Variants in FSIP2 observed in about 807,000 individuals in gnomAD.
FSIP2 encodes fibrous sheath interacting protein 2, also known as fibrous sheath-interacting protein 2.
Under a neutral mutation model 510.5 loss-of-function variants are expected in FSIP2, and 367 were observed. That is an observed-to-expected ratio of 0.72 (90% CI 0.66 to 0.78). The LOEUF (loss-of-function observed/expected upper bound fraction) is 0.78, where lower values mean the gene tolerates loss of function less well. Among genes scored for constraint, FSIP2 ranks in the 30% least tolerant of loss-of-function variants. FSIP2 has a pLI of 0.00. For missense variants in FSIP2, 7,594 were observed against 7,901.7 expected (o/e 0.96, Z 1.48); for synonymous variants, 2,601 against 2,732.2 (o/e 0.95, Z 1.50).
chr2:185,816,571 C>T (rs1361553701), intron 19 of FSIP2, among the ~76,000 whole-genome samples: 1 of 151,838 alleles, frequency 6.6e-6, no homozygotes, highest in African/African-American at 2.4e-5. Context: ...CTCATGATGG[C>T]TCACGTCTGT....
chr2:185,783,944 A>G (rs1692909237), intron 14 of FSIP2: 1 of 152,174 alleles, frequency 6.6e-6, no homozygotes, highest in Non-Finnish European at 1.5e-5. Flanking sequence ...AAAGAACTCT[A>G]TACCTTACCT....
rs747855422 is a variant in FSIP2, at chr2:185,806,991, AATG to A, written c.17690_17692del (p.Met5897del). The A allele has an allele frequency of 5.2e-5, 84 of 1,605,802 alleles. No homozygotes were observed. The highest frequency in any genetic ancestry group is 6.8e-5 in the Non-Finnish European group (80 of 1,177,452). On this transcript the variant is annotated inframe_deletion, in exon 17 of 23. Transcript: ENST00000424728. ...CAGATAAAATGCCACCTATGCATAA[AATG>A]ATGAGAAAACCTTCTTCAGATAAGA... is the stretch of plus-strand genomic sequence containing the variant.
chr2:185,740,206 A>G (rs1335266097), intron 2 of FSIP2, among the ~76,000 whole-genome samples: 2 of 152,148 alleles, frequency 1.3e-5, no homozygotes, highest in Non-Finnish European at 2.9e-5. Flanking sequence ...AATCTGAGCT[A>G]TCAAGATTCT....
intron 1 of FSIP2, 103 bp downstream of exon 1, chr2:185,739,096 C>A (rs1479673778): frequency 1.5e-6 from 2 of 1,376,698 alleles, no homozygotes; most frequent in Admixed American, 2.7e-5. Flanking sequence ...TCCCAACTGT[C>A]CCCCGTCAGG....
At chr2:185,817,986 A>G (rs1193603942) in intron 19 of FSIP2, among the ~76,000 whole-genome samples, 2 of 152,032 alleles carry the variant, frequency 1.3e-5, no homozygotes, top group African/African-American at 2.4e-5. Context: ...AAAAGAGAAG[A>G]ATTGGACTAT....
chr2:185,815,442 C>T lies in FSIP2; in HGVS notation c.20397C>T (p.Tyr6799=). The T allele has an allele frequency of 6.7e-7, 1 of 1,485,852 alleles. No individual in the cohort carries two copies. Among genetic ancestry groups the T allele is most frequent in the Non-Finnish European group, 9.3e-7 (1 of 1,079,768 alleles). The allele number at this position is 1,485,852 out of a possible 1,614,324, so 92.0% of individuals were successfully genotyped here. The change falls in exon 19 of 23, where the codon TAC becomes TAT. Residue 6799 remains tyrosine, a synonymous_variant. Transcript: ENST00000424728. The part of the protein sequence containing the change: ...FIHRIMSSSS[Y]NQEDLISSTG... ...ACAGAATTATGAGTTCATCTTCATA[C>T]AACCAAGAAGATCTCATTTCATCTA...
rs1693300532 is a variant in FSIP2, at chr2:185,796,957, TTAGGAAAG to T, written c.9822_9829del (p.Arg3275LysfsTer2). 1 of 1,534,808 alleles carries T rather than the reference TTAGGAAAG, an allele frequency of 6.5e-7. No individual in the cohort carries two copies. The highest frequency in any genetic ancestry group is 2.0e-5 in the Admixed American group (1 of 50,876). On this transcript the variant is annotated frameshift_variant, in exon 16 of 23. Coordinates refer to ENST00000424728, the MANE Select transcript of FSIP2 (RefSeq NM_173651.4). LOFTEE classifies it high-confidence loss of function. ...GAAGGCAGTTTCTTACAAAAGCTGC[TTAGGAAAG>T]CAAGTGACTCCACAGAAGCAGCATT...
intron 7 of FSIP2, among the ~76,000 whole-genome samples, chr2:185,750,074 T>C (rs939764996): frequency 6.6e-6 from 1 of 151,690 alleles, no homozygotes; most frequent in Non-Finnish European, 1.5e-5. Flanking sequence ...TTTGCCAACA[T>C]TTTGTTTAGA....
intron 16 of FSIP2, among the ~76,000 whole-genome samples, chr2:185,799,011 C>G (rs769775859): frequency 2.6e-5 from 4 of 151,728 alleles, no homozygotes; most frequent in Non-Finnish European, 5.9e-5. Flanking sequence ...TAATTAAGTT[C>G]TGAGGAAAAA....
At chr2:185,778,543 A>G (rs1383034997) in intron 13 of FSIP2, among the ~76,000 whole-genome samples, 1 of 151,886 alleles carries the variant, frequency 6.6e-6, no homozygotes, top group Non-Finnish European at 1.5e-5. Context: ...TAGTTATTCT[A>G]ATTTTTACTT....
chr2:185,809,502 A>T (rs1234629832), intron 17 of FSIP2, among the ~76,000 whole-genome samples: 2 of 152,114 alleles, frequency 1.3e-5, no homozygotes, highest in Non-Finnish European at 2.9e-5. Flanking sequence ...CGTTATGGAT[A>T]TCTAAAGGTG....
rs1693155611 is a variant in FSIP2, at chr2:185,792,332, T to C, written c.5196T>C (p.Tyr1732=). The C allele has an allele frequency of 2.6e-6, 4 of 1,529,680 alleles. No individual in the cohort carries two copies. In the East Asian group the frequency reaches 7.3e-5, roughly 28 times the overall value. The allele number at this position is 1,529,680 out of a possible 1,614,324, so 94.8% of individuals were successfully genotyped here. ...ATTCATTTCTAGAAGATGATGCATATACAGCGAAAAAAATTATTGATGAGA... is the reference window on the plus strand; with the variant it reads ...ATTCATTTCTAGAAGATGATGCATACACAGCGAAAAAAATTATTGATGAGA... ...ESDSFLEDDA[Y]TAKKIIDERS... The change falls in exon 16 of 23, where the codon TAT becomes TAC. Residue 1732 remains tyrosine, a synonymous_variant. Coordinates refer to ENST00000424728, the MANE Select transcript of FSIP2 (RefSeq NM_173651.4).
rs1246681034 is a variant in FSIP2, at chr2:185,738,842, TAG to T, written c.-49_-48del. Reference sequence around the variant, plus strand: ...TCCGGACAGAGGGACAACGGGGTGCTAGAGAAGGAGAGCGGGGCGGGTGAGGA... The same window carrying T: ...TCCGGACAGAGGGACAACGGGGTGCTAGAAGGAGAGCGGGGCGGGTGAGGA... On this transcript the variant is annotated 5_prime_UTR_variant, in exon 1 of 23. Coordinates refer to ENST00000424728, the MANE Select transcript of FSIP2 (RefSeq NM_173651.4). 2 of 1,534,874 alleles carry T rather than the reference TAG, an allele frequency of 1.3e-6. No homozygotes were observed. Among genetic ancestry groups the T allele is most frequent in the Non-Finnish European group, 1.7e-6 (2 of 1,146,314 alleles).
At chr2:185,811,363 G>A (rs1334063912) in intron 17 of FSIP2, among the ~76,000 whole-genome samples, 4 of 151,592 alleles carry the variant, frequency 2.6e-5, no homozygotes, top group East Asian at 2.0e-4. Context: ...CAGCTACTTC[G>A]GAGGCTGAGG....
chr2:185,831,923 G>C (rs1431832663), intron 22 of FSIP2, 41 bp downstream of exon 22: 1 of 1,171,478 alleles, frequency 8.5e-7, no homozygotes, highest in Non-Finnish European at 1.3e-6. Flanking sequence ...TAATTAAACT[G>C]TCAATTGCAT....
chr2:185,781,785 A>AGAT (rs1325288843), intron 13 of FSIP2, among the ~76,000 whole-genome samples: 1 of 152,096 alleles, frequency 6.6e-6, no homozygotes, highest in African/African-American at 2.4e-5. Flanking sequence ...ACCACAGAAG[A>AGAT]GATTTTTTGT....
In FSIP2 at chr2:185,796,087, C is replaced by T. The variant is rs1331616866; in HGVS notation, c.8951C>T (p.Ser2984Phe). The change falls in exon 16 of 23, where the codon TCC (serine) becomes TTC (phenylalanine). Residue 2984 changes from serine to phenylalanine, a missense_variant. Physicochemically the swap from Ser to Phe is radical, Grantham distance 155. Transcript: ENST00000424728. ...TKTKDQISVGSSNQIVQEIVE... is the reference protein window; with the variant it reads ...TKTKDQISVGFSNQIVQEIVE... ...ACAAAAGACCAAATTTCTGTGGGCT[C>T]CAGCAACCAAATTGTTCAAGAGATT... 14 of 1,532,864 alleles carry T rather than the reference C, an allele frequency of 9.1e-6. No individual in the cohort carries two copies. Among genetic ancestry groups the T allele is most frequent in the Non-Finnish European group, 1.2e-5 (14 of 1,145,634 alleles). 95.0% of individuals were successfully genotyped at this position (1,532,864 alleles called of 1,614,324 possible).
rs968122714 is a variant in FSIP2, at chr2:185,805,350, T to C, written c.16044T>C (p.Val5348=). ...FSFPPIDKET[V]DKISNFVYEQ... Reference sequence around the variant, plus strand: ...TTCCACCAATTGATAAAGAGACAGTTGATAAAATATCCAATTTTGTATATG... The same window carrying C: ...TTCCACCAATTGATAAAGAGACAGTCGATAAAATATCCAATTTTGTATATG... The change falls in exon 17 of 23, where the codon GTT becomes GTC. Residue 5348 remains valine (V), a synonymous_variant. Coordinates refer to ENST00000424728, the MANE Select transcript of FSIP2 (RefSeq NM_173651.4). 6.3e-7 allele frequency: 1 copy of C among 1,598,756 alleles called. No individual in the cohort carries two copies. The highest frequency in any genetic ancestry group is 8.5e-7 in the Non-Finnish European group (1 of 1,174,490).
intron 2 of FSIP2, among the ~76,000 whole-genome samples, chr2:185,741,828 C>A (rs1007181660): frequency 1.3e-5 from 2 of 152,218 alleles, no homozygotes; most frequent in East Asian, 3.9e-4. Context: ...TCTCATCTAC[C>A]TTTTACCCAT....
Sources: allele counts gnomAD v4.1 joint callset (sites outside exome capture counted in the v4.1 genomes callset), GRCh38; gene constraint gnomAD v4.1.1; transcripts MANE v1.5; gene names NCBI Gene and HGNC (gene_info 2026-07-23, HGNC 2026-07-21).